The following TRPV1 variants were observed in gnomAD, a reference collection of about 807,000 sequenced individuals.
The protein encoded by TRPV1 is transient receptor potential cation channel subfamily V member 1.
Under a neutral mutation model 82.3 loss-of-function variants are expected in TRPV1, and 82 were observed. The observed-to-expected ratio is 1.00, with a 90% CI of 0.83 to 1.20. TRPV1 has a LOEUF of 1.20. Ranked by LOEUF, TRPV1 falls within the 50% of genes most tolerant of loss-of-function variation. TRPV1 has a pLI of 0.00. For synonymous variants in TRPV1, 515 were observed against 467.7 expected (o/e 1.10, Z -1.30); for missense variants, 1,067 against 1,096.8 (o/e 0.97, Z 0.38).
intron 2 of TRPV1, among the ~76,000 whole-genome samples, chr17:3,606,034 C>T (rs2075294215): frequency 1.3e-5 from 2 of 152,194 alleles, no homozygotes; most frequent in African/African-American, 4.8e-5. Context: ...TCTCAGCTCA[C>T]TGCAACCTCC....
At chr17:3,594,179 A>AGCT (rs1488645396) in intron 2 of TRPV1, among the ~76,000 whole-genome samples, 95 of 147,140 alleles carry the variant, frequency 6.5e-4, no homozygotes, top group Non-Finnish European at 1.2e-3. Flanking sequence ...CAGCAGCAGC[A>AGCT]GCTGCACACA....
At chr17:3,589,229 C>CA (rs1381696182) in intron 7 of TRPV1, among the ~76,000 whole-genome samples, 1 of 132,088 alleles carries the variant, frequency 7.6e-6, no homozygotes, top group African/African-American at 2.8e-5. Flanking sequence ...TTTTTTGAGA[C>CA]AGAGTCTTGC....
Position 3,573,614 on chromosome 17 carries a change from C to T in TRPV1, c.2103+19G>A. ...ACACTCTCCGCGCCACTCACCACCCCCCAACTCCACCCACCCACCTGCAGC... is the reference window on the plus strand; with the variant it reads ...ACACTCTCCGCGCCACTCACCACCCTCCAACTCCACCCACCCACCTGCAGC... On this transcript the variant is annotated intron_variant, in intron 14 of 16. Coordinates refer to ENST00000572705, the MANE Select transcript of TRPV1 (RefSeq NM_080704.4). The T allele has an allele frequency of 1.2e-6, 2 of 1,603,382 alleles. No individual in the cohort carries two copies. The highest frequency in any genetic ancestry group is 1.7e-6 in the Non-Finnish European group (2 of 1,175,850).
At chr17:3,579,289 C>T (rs1264690263) in intron 11 of TRPV1, among the ~76,000 whole-genome samples, 3 of 151,934 alleles carry the variant, frequency 2.0e-5, no homozygotes, top group Non-Finnish European at 2.9e-5. Flanking sequence ...GTTTGTGAGT[C>T]GTACGGACAA....
chr17:3,590,174 C>A, intron 6 of TRPV1, 69 bp from the exon 7 acceptor site: 2 of 1,588,402 alleles, frequency 1.3e-6, no homozygotes, highest in Non-Finnish European at 1.7e-6. Context: ...CACCGGCCTC[C>A]AAACTCCCTC....
chr17:3,588,586 A>G (rs1236373853), intron 7 of TRPV1, among the ~76,000 whole-genome samples: 1 of 152,088 alleles, frequency 6.6e-6, no homozygotes, highest in African/African-American at 2.4e-5. Context: ...AGGCGGGTGG[A>G]TCACCTGAGG....
intron 2 of TRPV1, 84 bp from the exon 3 acceptor site, chr17:3,592,467 C>A: frequency 7.4e-7 from 1 of 1,350,228 alleles, no homozygotes; most frequent in Non-Finnish European, 9.9e-7. Context: ...TGCCAAGGGC[C>A]CTGTGAAGCA....
intron 11 of TRPV1, among the ~76,000 whole-genome samples, chr17:3,579,413 C>T (rs1240804784): frequency 2.0e-5 from 3 of 152,054 alleles, no homozygotes; most frequent in African/African-American, 7.2e-5. Flanking sequence ...CCTCGGTGCA[C>T]ACTGGGGCTT....
At chr17:3,589,057 G>C in intron 7 of TRPV1, 3 of 1,256,564 alleles carry the variant, frequency 2.4e-6, no homozygotes, top group Non-Finnish European at 3.4e-6. Flanking sequence ...AGGCTGAGGT[G>C]GAAGGATCAC....
At chr17:3,592,522 A>C (rs989825653) in intron 2 of TRPV1, 139 bp from the exon 3 acceptor site, 4 of 851,694 alleles carry the variant, frequency 4.7e-6, no homozygotes, top group Non-Finnish European at 7.1e-6. Context: ...AGCCCCCTAG[A>C]ACTGAAGTGT....
chr17:3,608,857 G>A (rs1199257314), intron 1 of TRPV1: 1 of 152,236 alleles, frequency 6.6e-6, no homozygotes, highest in Non-Finnish European at 1.5e-5. Context: ...GCAGAGAGGT[G>A]TGTTTTATTT....
intron 3 of TRPV1, among the ~76,000 whole-genome samples, chr17:3,591,862 G>A (rs1481486330): frequency 6.6e-6 from 1 of 152,192 alleles, no homozygotes; most frequent in African/African-American, 2.4e-5. Context: ...TTGCGGGCGT[G>A]GACACCTAGA....
intron 15 of TRPV1, 22 bp from the exon 16 acceptor site, chr17:3,571,661 G>A (rs1323789674): frequency 6.4e-7 from 1 of 1,568,040 alleles, no homozygotes; most frequent in Non-Finnish European, 8.7e-7. Flanking sequence ...GGGGTCGGGA[G>A]AGCCTGAGAG....
At position 3,591,279 on chromosome 17, in the gene TRPV1, TCAAAGATA is replaced by T. The variant is rs749921540; in HGVS notation, c.351_358del (p.Ser117ArgfsTer7). ...CTGGCAGTTATTCTGAGCAACGGCTTCAAAGATACTCCTGCGATCATAGAGCCTGAGGG... is the reference window on the plus strand; with the variant it reads ...CTGGCAGTTATTCTGAGCAACGGCTTCTCCTGCGATCATAGAGCCTGAGGG... On this transcript the variant is annotated frameshift_variant, in exon 4 of 17. Coordinates refer to ENST00000572705, the MANE Select transcript of TRPV1 (RefSeq NM_080704.4). LOFTEE classifies it high-confidence loss of function. 6 of 1,612,960 alleles carry T rather than the reference TCAAAGATA, an allele frequency of 3.7e-6. No homozygotes were observed. Among genetic ancestry groups the T allele is most frequent in the Non-Finnish European group, 5.1e-6 (6 of 1,179,804 alleles).
At chr17:3,590,530 T>A in intron 5 of TRPV1, 138 bp from the exon 6 acceptor site, 1 of 1,339,596 alleles carries the variant, frequency 7.5e-7, no homozygotes, top group African/African-American at 1.5e-5. Flanking sequence ...ACCCCCCCAC[T>A]GCAGGAGGCC....
intron 14 of TRPV1, among the ~76,000 whole-genome samples, chr17:3,573,132 A>C (rs1397678946): frequency 6.6e-6 from 1 of 152,076 alleles, no homozygotes; most frequent in African/African-American, 2.4e-5. Context: ...GAAACTTATT[A>C]TTAGTAGTTG....
At position 3,571,582 on chromosome 17, in the gene TRPV1, G is replaced by T; in HGVS notation, c.2289C>A (p.Asp763Glu). 6.2e-7 allele frequency: 1 copy of T among 1,612,816 alleles called. No individual in the cohort carries two copies. Residue 763 changes from aspartate to glutamate, a missense_variant, in exon 16 of 17, where the codon GAC becomes GAA. Asp to Glu is a conservative substitution (Grantham distance 45, BLOSUM62 2). Coordinates refer to ENST00000572705, the MANE Select transcript of TRPV1 (RefSeq NM_080704.4). Reference protein sequence around the residue: ...WNTNVGIINEDPGNCEGVKRT... With the variant: ...WNTNVGIINEEPGNCEGVKRT... Reference sequence around the variant, plus strand: ...GCTTGACGCCCTCACAGTTGCCCGGGTCTTCGTTGATGATGCCCACGTTGG... The same window carrying T: ...GCTTGACGCCCTCACAGTTGCCCGGTTCTTCGTTGATGATGCCCACGTTGG...
chr17:3,597,838 T>A (rs1438112976), intron 2 of TRPV1, among the ~76,000 whole-genome samples: 1 of 152,064 alleles, frequency 6.6e-6, no homozygotes, highest in East Asian at 1.9e-4. Flanking sequence ...TGCGCCCAGC[T>A]AATTGTTGTA....
chr17:3,571,468 GC>G, intron 16 of TRPV1, 55 bp downstream of exon 16: 1 of 1,403,642 alleles, frequency 7.1e-7, no homozygotes, highest in East Asian at 2.5e-5. Context: ...AGCTCCCCCT[GC>G]CCAACATCAG....
Sources: gnomAD v4.1 joint callset for allele counts (sites outside exome capture counted in the v4.1 genomes callset) on GRCh38, gnomAD v4.1.1 for gene constraint, MANE v1.5 for transcripts, NCBI Gene and HGNC (gene_info 2026-07-23, HGNC 2026-07-21) for gene names.